Variants in QKI observed in about 807,000 individuals in gnomAD.
QKI encodes the protein KH domain-containing RNA-binding protein QKI.
Under a neutral mutation model 39.0 loss-of-function variants are expected in QKI, and 10 were observed. The observed-to-expected ratio is 0.26, with a 90% CI of 0.16 to 0.43. The LOEUF (loss-of-function observed/expected upper bound fraction) is 0.43. Among genes scored for constraint, QKI ranks in the 20% least tolerant of loss-of-function variants. The probability of loss-of-function intolerance (pLI) is 1.00; values close to 1 mark genes in which losing one functional copy is unlikely to be tolerated. For missense variants in QKI, 218 were observed against 428.0 expected, an observed-to-expected ratio of 0.51 and a Z score of 4.33; for synonymous variants, 204 against 155.4, an observed-to-expected ratio of 1.31 and a Z score of -2.33.
At chr6:163,432,611 G>A (rs1160549489) in intron 1 of QKI, among the ~76,000 whole-genome samples, 2 of 152,008 alleles carry the variant, frequency 1.3e-5, no homozygotes, top group Non-Finnish European at 2.9e-5. Flanking sequence ...ATATTGCCCA[G>A]CCTGGTCTTA....
At chr6:163,486,209 T>C (rs2294709) in intron 3 of QKI, among the ~76,000 whole-genome samples, 63,939 of 152,108 alleles carry the variant, frequency 0.42, 16,680 homozygotes, top group East Asian at 0.72. Flanking sequence ...GTACACAATA[T>C]AGAAACTTCC....
At chr6:163,534,479 C>T (rs140845169) in intron 3 of QKI, among the ~76,000 whole-genome samples, 78 of 152,300 alleles carry the variant, frequency 5.1e-4, no homozygotes, top group African/African-American at 1.8e-3. Flanking sequence ...GGAAAGATCA[C>T]TGAATTAGAG....
intron 3 of QKI, among the ~76,000 whole-genome samples, chr6:163,523,085 G>A (rs959751002): frequency 5.3e-5 from 8 of 152,138 alleles, no homozygotes; most frequent in Non-Finnish European, 7.4e-5. Context: ...GCTCGATGAG[G>A]AAGTAAGGCA....
intron 4 of QKI, among the ~76,000 whole-genome samples, chr6:163,537,862 A>G (rs563406088): frequency 3.3e-5 from 5 of 152,236 alleles, no homozygotes; most frequent in African/African-American, 9.6e-5. Flanking sequence ...TTTGCAGTCT[A>G]TTGTTACCTT....
At chr6:163,459,676 G>A (rs1791201596) in intron 2 of QKI, among the ~76,000 whole-genome samples, 1 of 152,194 alleles carries the variant, frequency 6.6e-6, no homozygotes, top group Non-Finnish European at 1.5e-5. Flanking sequence ...ATTGTTGGGA[G>A]GAGTAAAGGT....
At chr6:163,433,112 A>G (rs1055458604) in intron 1 of QKI, among the ~76,000 whole-genome samples, 6 of 152,236 alleles carry the variant, frequency 3.9e-5, no homozygotes, top group African/African-American at 4.8e-5. Context: ...TTCTTTTTAC[A>G]TTTTACTTTA....
chr6:163,476,254 ATAATT>A (rs747975981), intron 2 of QKI, among the ~76,000 whole-genome samples: 51 of 152,146 alleles, frequency 3.4e-4, no homozygotes, highest in African/African-American at 1.1e-3. Flanking sequence ...ATTTTAGAAA[ATAATT>A]TAACACTATG....
intron 2 of QKI, among the ~76,000 whole-genome samples, chr6:163,478,262 T>C (rs1792781062): frequency 6.6e-6 from 1 of 152,230 alleles, no homozygotes; most frequent in South Asian, 2.1e-4. Context: ...AAGACACATT[T>C]AGTGTAGCCA....
chr6:163,525,923 A>T (rs779717357), intron 3 of QKI, among the ~76,000 whole-genome samples: 3 of 152,220 alleles, frequency 2.0e-5, no homozygotes, highest in African/African-American at 4.8e-5. Context: ...TATTTTATGA[A>T]TATCAAGTAC....
chr6:163,522,511 T>G (rs921676124), intron 3 of QKI, among the ~76,000 whole-genome samples: 6 of 152,124 alleles, frequency 3.9e-5, no homozygotes, highest in African/African-American at 1.4e-4. Flanking sequence ...GAGGCCTTTT[T>G]GTGCGTTTGT....
intron 1 of QKI, among the ~76,000 whole-genome samples, chr6:163,434,438 A>G (rs1789083721): frequency 6.6e-6 from 1 of 152,308 alleles, no homozygotes; most frequent in South Asian, 2.1e-4. Context: ...TTACTGGCCA[A>G]GTTTGTTAAA....
At chr6:163,547,791 T>G (rs1194415339) in intron 4 of QKI, among the ~76,000 whole-genome samples, 3 of 152,110 alleles carry the variant, frequency 2.0e-5, no homozygotes, top group African/African-American at 4.8e-5. Flanking sequence ...TCTCCACAGA[T>G]GGAGTAGGTC....
At chr6:163,436,749 C>T (rs777160144) in intron 1 of QKI, among the ~76,000 whole-genome samples, 22 of 128,230 alleles carry the variant, frequency 1.7e-4, no homozygotes, top group Non-Finnish European at 3.1e-4. Flanking sequence ...AAGATCACTC[C>T]ATTGCTTTCA....
chr6:163,518,026 G>A (rs567393133), intron 3 of QKI, among the ~76,000 whole-genome samples: 8 of 152,214 alleles, frequency 5.3e-5, no homozygotes, highest in African/African-American at 1.4e-4. Context: ...CCAATTTCAT[G>A]TGTTTAGTGT....
chr6:163,427,548 T>C (rs1318377037), intron 1 of QKI, among the ~76,000 whole-genome samples: 2 of 152,158 alleles, frequency 1.3e-5, no homozygotes, highest in Non-Finnish European at 2.9e-5. Context: ...TTTGACTTTT[T>C]GATGCTGTCA....
chr6:163,555,088 TGTTA>T (rs575224798), intron 4 of QKI, among the ~76,000 whole-genome samples: 304 of 152,346 alleles, frequency 2.0e-3, no homozygotes, highest in Non-Finnish European at 2.5e-3. Context: ...CTCTGATATT[TGTTA>T]TTCTTCAATT....
chr6:163,574,193 G>A lies in QKI; in HGVS notation c.*3483G>A, dbSNP rs1312782922. 1.3e-5 allele frequency: 2 copies of A among 152,104 alleles called. No individual in the cohort carries two copies. The highest frequency in any genetic ancestry group is 2.4e-5 in the African/African-American group (1 of 41,402). The allele number at this position is 152,104 out of a possible 1,614,324, so 9.4% of individuals were successfully genotyped here. A position where few individuals can be genotyped will look rare whatever the true frequency, so the allele number is the denominator to read the frequency against. On this transcript the variant is annotated 3_prime_UTR_variant, in exon 8 of 8. Coordinates refer to ENST00000361752, the MANE Select transcript of QKI (RefSeq NM_006775.3). ...TCGAGTAAAAAGATACATTGTCATG[G>A]TATATACCTGGAGAAACCAGTTTGA... is the stretch of plus-strand genomic sequence containing the variant.
At chr6:163,527,942 A>G (rs970249401) in intron 3 of QKI, among the ~76,000 whole-genome samples, 10 of 152,318 alleles carry the variant, frequency 6.6e-5, no homozygotes, top group Non-Finnish European at 1.5e-4. Flanking sequence ...TGAAATAGCT[A>G]CAGATTTATC....
rs183880995 is a variant in QKI, at chr6:163,564,552, T to G, written c.934+833T>G. 558 of 1,567,790 alleles carry G rather than the reference T, an allele frequency of 3.6e-4. 5 individuals are homozygous for G. The African/African-American group carries it at 7.1e-3, about 20-fold the overall frequency. ...AATAGTTAAATAAATAGCAAATCAC[T>G]GAATTCAGAATCTCACTTAAGGCAG... On this transcript the variant is annotated intron_variant, in intron 6 of 7. Transcript: ENST00000361752.
Sources: gnomAD v4.1 joint callset for allele counts (sites outside exome capture counted in the v4.1 genomes callset) on GRCh38, gnomAD v4.1.1 for gene constraint, MANE v1.5 for transcripts, NCBI Gene and HGNC (gene_info 2026-07-23, HGNC 2026-07-21) for gene names.